The following GRID2 variants were observed in gnomAD, a reference collection of about 807,000 sequenced individuals.
GRID2 encodes glutamate ionotropic receptor delta type subunit 2, also known as glutamate receptor ionotropic, delta-2.
A neutral mutation model predicts 114.8 loss-of-function variants in GRID2; 33 were observed. The observed-to-expected ratio is 0.29, with a 90% CI of 0.22 to 0.38. GRID2 has a LOEUF of 0.38. Ranked by LOEUF, GRID2 falls within the 10% of genes least tolerant of loss-of-function variation. GRID2 has a pLI of 1.00. For synonymous variants in GRID2, 505 were observed against 449.9 expected (o/e 1.12, Z -1.55); for missense variants, 1,184 against 1,257.7 (o/e 0.94, Z 0.89).
chr4:93,588,417 T>TA (rs1737761643), intron 13 of GRID2, among the ~76,000 whole-genome samples: 1 of 152,184 alleles, frequency 6.6e-6, no homozygotes, highest in Non-Finnish European at 1.5e-5. Flanking sequence ...GGTTCAGAGT[T>TA]ATAGATAACC....
rs189384887 is a variant in GRID2, at chr4:93,269,699, A to T, written c.1245+31209A>T. On this transcript the variant is annotated intron_variant, in intron 8 of 15. Coordinates refer to ENST00000282020, the MANE Select transcript of GRID2 (RefSeq NM_001510.4). ...GGAAAAGTAATTGGGAGATTTAGTC[A>T]TAAGCAGCAAACACAGGAAATTCAC... Among the ~76,000 whole-genome samples the T allele has an allele frequency of 3.0e-3, 456 of 152,362 alleles. 1 individual carries two copies. The highest frequency in any genetic ancestry group is 4.9e-3 in the Non-Finnish European group (332 of 68,032).
At chr4:93,186,194 T>G (rs1228472094) in intron 4 of GRID2, among the ~76,000 whole-genome samples, 1 of 152,190 alleles carries the variant, frequency 6.6e-6, no homozygotes, top group South Asian at 2.1e-4. Context: ...TTGTGAATAG[T>G]GCCGCAATAA....
intron 2 of GRID2, among the ~76,000 whole-genome samples, chr4:92,913,736 TG>T (rs1288885211): frequency 6.6e-6 from 1 of 151,974 alleles, no homozygotes; most frequent in Non-Finnish European, 1.5e-5. Context: ...GAGAGAAAAT[TG>T]TCTGTATGTT....
intron 1 of GRID2, among the ~76,000 whole-genome samples, chr4:92,316,931 G>A (rs575805113): frequency 2.0e-5 from 3 of 152,048 alleles, no homozygotes; most frequent in Non-Finnish European, 4.4e-5. Flanking sequence ...CAGATCTAAG[G>A]AAGAATTTTT....
chr4:93,110,767 G>A lies in GRID2; in HGVS notation c.549G>A (p.Glu183=), dbSNP rs751067598. 6.2e-7 allele frequency: 1 copy of A among 1,611,366 alleles called. No homozygotes were observed. The change falls in exon 4 of 16, where the codon GAG becomes GAA. Residue 183 remains glutamate, a synonymous_variant. Coordinates refer to ENST00000282020, the MANE Select transcript of GRID2 (RefSeq NM_001510.4). ...DSEYDIRGIQ[E]FLDKVSQQGM... is the part of the protein sequence containing the mutation. ...TTCCAGATATCCGTGGAATACAGGA[G>A]TTCTTGGACAAAGTCTCTCAGCAGG...
intron 13 of GRID2, among the ~76,000 whole-genome samples, chr4:93,555,081 T>C (rs1486892726): frequency 6.6e-6 from 1 of 152,130 alleles, no homozygotes; most frequent in East Asian, 1.9e-4. Flanking sequence ...GTGGCCCAGA[T>C]ACTATGCTTT....
At chr4:92,571,857 C>T (rs900434132) in intron 1 of GRID2, among the ~76,000 whole-genome samples, 1 of 152,094 alleles carries the variant, frequency 6.6e-6, no homozygotes, top group African/African-American at 2.4e-5. Flanking sequence ...CATAACATAC[C>T]AGAATCTCTG....
chr4:93,698,226 C>T (rs553091362), intron 14 of GRID2, among the ~76,000 whole-genome samples: 49 of 151,978 alleles, frequency 3.2e-4, no homozygotes, highest in Non-Finnish European at 6.0e-4. Flanking sequence ...CTGTTTTATT[C>T]TGTTAAATCA....
chr4:93,417,608 C>T (rs1767850429), intron 9 of GRID2, among the ~76,000 whole-genome samples: 1 of 151,952 alleles, frequency 6.6e-6, no homozygotes, highest in Non-Finnish European at 1.5e-5. Flanking sequence ...GAGATAATCA[C>T]TTCCTCTATT....
chr4:93,460,126 G>A (rs984842652), intron 11 of GRID2, among the ~76,000 whole-genome samples: 2 of 152,098 alleles, frequency 1.3e-5, no homozygotes, highest in African/African-American at 4.8e-5. Context: ...ATATACCCAA[G>A]TTATCCATGC....
At chr4:92,443,087 G>A (rs1347390979) in intron 1 of GRID2, among the ~76,000 whole-genome samples, 1 of 152,102 alleles carries the variant, frequency 6.6e-6, no homozygotes, top group East Asian at 1.9e-4. Flanking sequence ...CGAGGCTTGG[G>A]GTTGGTACTG....
At chr4:93,587,160 T>C (rs1038310058) in intron 13 of GRID2, among the ~76,000 whole-genome samples, 1 of 152,092 alleles carries the variant, frequency 6.6e-6, no homozygotes, top group Non-Finnish European at 1.5e-5. Flanking sequence ...CAGCATTCTT[T>C]GTGCCACAGA....
chr4:93,018,000 G>GT (rs1284490599), intron 2 of GRID2, among the ~76,000 whole-genome samples: 1 of 150,412 alleles, frequency 6.6e-6, no homozygotes, highest in Admixed American at 6.7e-5. Flanking sequence ...CTTCTTGGAG[G>GT]ATTACAATCT....
At chr4:93,018,509 GA>G (rs2149242580) in intron 2 of GRID2, among the ~76,000 whole-genome samples, 1 of 152,142 alleles carries the variant, frequency 6.6e-6, no homozygotes, top group Non-Finnish European at 1.5e-5. Flanking sequence ...TTTCACTAAC[GA>G]AAAGTTAGCT....
intron 2 of GRID2, among the ~76,000 whole-genome samples, chr4:92,882,149 G>T (rs1162229495): frequency 1.3e-5 from 2 of 152,090 alleles, no homozygotes; most frequent in Non-Finnish European, 2.9e-5. Context: ...TATTTTAGAA[G>T]AAAGGTGATA....
At chr4:93,314,741 TCACACA>T (rs10585703) in intron 8 of GRID2, among the ~76,000 whole-genome samples, 4 of 151,066 alleles carry the variant, frequency 2.6e-5, no homozygotes, top group African/African-American at 7.3e-5. Context: ...CACGATGATT[TCACACA>T]CACACACACA....
chr4:92,475,463 C>A (rs1366795970), intron 1 of GRID2, among the ~76,000 whole-genome samples: 1 of 151,452 alleles, frequency 6.6e-6, no homozygotes, highest in Non-Finnish European at 1.5e-5. Context: ...ACATCTTGGT[C>A]AAAAATCAAA....
intron 9 of GRID2, among the ~76,000 whole-genome samples, chr4:93,422,381 T>A (rs1768374421): frequency 6.6e-6 from 1 of 152,158 alleles, no homozygotes. Context: ...GCTGTTAAAA[T>A]TTTATTGGAT....
intron 2 of GRID2, among the ~76,000 whole-genome samples, chr4:92,630,909 T>C (rs573124515): frequency 8.5e-5 from 13 of 152,100 alleles, no homozygotes; most frequent in African/African-American, 2.9e-4. Flanking sequence ...TGCATTGAAA[T>C]TGTGAACTAA....
Sources: allele counts gnomAD v4.1 joint callset (sites outside exome capture counted in the v4.1 genomes callset), GRCh38; gene constraint gnomAD v4.1.1; transcripts MANE v1.5; gene names NCBI Gene and HGNC (gene_info 2026-07-23, HGNC 2026-07-21).